Variants in RNF25 observed in about 807,000 individuals in gnomAD.
RNF25 encodes E3 ubiquitin-protein ligase RNF25.
In RNF25, 32 loss-of-function variants were observed where a neutral mutation model predicts 65.0. That is an observed-to-expected ratio of 0.49 (90% CI 0.37 to 0.66). RNF25 has a LOEUF of 0.66. RNF25 is among the 30% of genes least tolerant of loss of function. The pLI, the probability that RNF25 is intolerant of heterozygous loss-of-function variation, is 0.00. For synonymous variants in RNF25, 207 were observed against 221.2 expected (o/e 0.94, Z 0.57); for missense variants, 493 against 584.8 (o/e 0.84, Z 1.62).
chr2:218,664,192 G>A lies in RNF25; in HGVS notation c.1145C>T (p.Pro382Leu). 6.3e-7 allele frequency: 1 copy of A among 1,588,492 alleles called. No homozygotes were observed. The highest frequency in any genetic ancestry group is 1.7e-4 in the Middle Eastern group (1 of 5,900). The change falls in exon 10 of 10, where the codon CCC (proline) becomes CTC (leucine). Residue 382 changes from proline (P) to leucine (L), a missense_variant. Physicochemically the swap from Pro to Leu is moderately conservative, Grantham distance 98 (BLOSUM62 -3). This residue lies in a region of RNF25 where 351 missense variants were observed against 400.2 expected (regional missense o/e 0.88). Coordinates refer to ENST00000295704, the MANE Select transcript of RNF25 (RefSeq NM_022453.3). This position sits in a 1 kb window ranked among gnomAD's most constrained non-coding sequence, Gnocchi z 5.1. Reference sequence around the variant, plus strand: ...ATGGGGTTCTGGCTTTAGGTCCATGGGCTCCTTGAGGGGCCCCTCAGGAGG... The same window carrying A: ...ATGGGGTTCTGGCTTTAGGTCCATGAGCTCCTTGAGGGGCCCCTCAGGAGG... ...LPPPEGPLKE[P>L]MDLKPEPHSQ...
Position 218,664,490 on chromosome 2 carries a change from C to A in RNF25, c.847G>T (p.Gly283Ter), listed in dbSNP as rs1352369556. The A allele has an allele frequency of 1.9e-6, 3 of 1,613,974 alleles. No individual in the cohort carries two copies. Among genetic ancestry groups the A allele is most frequent in the Non-Finnish European group, 2.5e-6 (3 of 1,180,026 alleles). ...GCAAGGGTGCTGGGTGGTTGGGATCCTTTGGAGACATCTACAGCTGACTCA... is the reference window on the plus strand; with the variant it reads ...GCAAGGGTGCTGGGTGGTTGGGATCATTTGGAGACATCTACAGCTGACTCA... Reference protein sequence around the residue: ...EPESAVDVSKGSQPPSTLAAE... With the variant: ...EPESAVDVSK Residue 283 changes from glycine to a stop codon, truncating the protein, a stop_gained, in exon 10 of 10, where the codon GGA (glycine) becomes TGA (stop). Transcript: ENST00000295704. LOFTEE classifies it high-confidence loss of function. The surrounding 1 kb of genome is among the most constrained non-coding windows in gnomAD (Gnocchi z 5.1).
rs532173663 is a variant in RNF25 at position 218,668,917 on chromosome 2, A to G, written c.42-238T>C. Among the ~76,000 whole-genome samples, 3 of 152,384 alleles carry G rather than the reference A, an allele frequency of 2.0e-5. No individual in the cohort carries two copies. In the South Asian group the frequency reaches 6.2e-4, roughly 32 times the overall value. ...CAGATGAAGAAGTGGATTCTAGAGA[A>G]GTAAAATGACTAACCAAGGCTTAAC... On this transcript the variant is annotated intron_variant, in intron 1 of 9. Transcript: ENST00000295704.
At position 218,664,251 on chromosome 2, in the gene RNF25, G is replaced by A. The variant is rs1373915425; in HGVS notation, c.1086C>T (p.Ala362=). ...CCTGGGTGTCACGGGTACCTTTAGG[G>A]GCGTGGCACTCCCCTCCCTTTGGGT... ...RRHPKGGECH[A]PKGTRDTQEL... Residue 362 remains alanine (A), a synonymous_variant, in exon 10 of 10, where the codon GCC becomes GCT. Transcript: ENST00000295704. The surrounding 1 kb of genome is among the most constrained non-coding windows in gnomAD (Gnocchi z 5.1). 2.5e-6 allele frequency: 4 copies of A among 1,604,494 alleles called. No individual in the cohort carries two copies. The highest frequency in any genetic ancestry group is 2.7e-5 in the African/African-American group (2 of 74,602).
intron 1 of RNF25, among the ~76,000 whole-genome samples, chr2:218,669,546 A>G (rs1939903972): frequency 6.6e-6 from 1 of 152,204 alleles, no homozygotes; most frequent in South Asian, 2.1e-4. Context: ...GATCTAGATC[A>G]GCCTGTTGAG....
chr2:218,671,618 C>G (rs188905710), intron 1 of RNF25, among the ~76,000 whole-genome samples: 7 of 152,194 alleles, frequency 4.6e-5, no homozygotes, highest in Admixed American at 4.6e-4. Flanking sequence ...GCAGGCATCC[C>G]CCAAAGCCCC....
At chr2:218,669,326 C>T (rs1939899761) in intron 1 of RNF25, among the ~76,000 whole-genome samples, 1 of 152,196 alleles carries the variant, frequency 6.6e-6, no homozygotes, top group Non-Finnish European at 1.5e-5. Context: ...CTGTCTGTCA[C>T]ATATAGATAA....
At chr2:218,665,469 C>T (rs747605700) in intron 7 of RNF25, among the ~76,000 whole-genome samples, 9 of 152,098 alleles carry the variant, frequency 5.9e-5, no homozygotes, top group Non-Finnish European at 1.3e-4. Context: ...TGGCCAGGCA[C>T]GGTGGCTCGC....
intron 1 of RNF25, among the ~76,000 whole-genome samples, chr2:218,670,623 G>T (rs1291702277): frequency 2.7e-5 from 4 of 149,750 alleles, no homozygotes; most frequent in African/African-American, 7.4e-5. Context: ...ATGAACCCGG[G>T]AGGCGGAGCT....
chr2:218,671,774 G>A (rs1384294466), intron 1 of RNF25, among the ~76,000 whole-genome samples, 156 bp downstream of exon 1: 1 of 152,020 alleles, frequency 6.6e-6, no homozygotes, highest in Admixed American at 6.6e-5. Flanking sequence ...CCACCCTCCC[G>A]TTCCCCAGTC....
chr2:218,666,368 C>T, intron 5 of RNF25, 138 bp from the exon 6 acceptor site: 1 of 661,922 alleles, frequency 1.5e-6, no homozygotes, highest in South Asian at 1.9e-5. Context: ...GCATTTCTGG[C>T]TTGGTGACGC....
intron 5 of RNF25, 75 bp downstream of exon 5, chr2:218,667,837 A>G (rs1939867983): frequency 7.3e-7 from 1 of 1,368,896 alleles, no homozygotes; most frequent in African/African-American, 1.4e-5. Context: ...TTCTAGGCCC[A>G]TGGTTTCCCT....
At chr2:218,665,491 C>T (rs1189680435) in intron 7 of RNF25, among the ~76,000 whole-genome samples, 1 of 152,122 alleles carries the variant, frequency 6.6e-6, no homozygotes, top group African/African-American at 2.4e-5. Context: ...CCTGTAATCC[C>T]AGCACTTTGG....
Position 218,664,219 on chromosome 2 carries a change from G to A in RNF25, c.1118C>T (p.Pro373Leu). 1 of 1,598,066 alleles carries A rather than the reference G, an allele frequency of 6.3e-7. No individual in the cohort carries two copies. The highest frequency in any genetic ancestry group is 1.1e-5 in the South Asian group (1 of 89,004). Reference protein sequence around the residue: ...PKGTRDTQELPPPEGPLKEPM... With the variant: ...PKGTRDTQELLPPEGPLKEPM... Reference sequence around the variant, plus strand: ...CTCCTTGAGGGGCCCCTCAGGAGGTGGCAGTTCCTGGGTGTCACGGGTACC... The same window carrying A: ...CTCCTTGAGGGGCCCCTCAGGAGGTAGCAGTTCCTGGGTGTCACGGGTACC... The change falls in exon 10 of 10, where the codon CCA (proline) becomes CTA (leucine). Residue 373 changes from proline to leucine, a missense_variant. This residue lies in a region of RNF25 where 351 missense variants were observed against 400.2 expected (regional missense o/e 0.88). Transcript: ENST00000295704. The surrounding 1 kb of genome is among the most constrained non-coding windows in gnomAD (Gnocchi z 5.1).
chr2:218,665,336 G>T, intron 7 of RNF25, 89 bp from the exon 8 acceptor site: 1 of 1,106,816 alleles, frequency 9.0e-7, no homozygotes, highest in East Asian at 2.4e-5. Flanking sequence ...GCAGAGGGCT[G>T]GGACTAAAGG....
intron 8 of RNF25, 140 bp downstream of exon 8, chr2:218,665,014 TG>T: frequency 6.9e-7 from 1 of 1,440,778 alleles, no homozygotes; most frequent in Non-Finnish European, 9.6e-7. Context: ...CTCCCGCCAG[TG>T]GGGGATGTGG....
Position 218,664,203 on chromosome 2 carries a change from G to A in RNF25, c.1134C>T (p.Pro378=). ...GCTTTAGGTCCATGGGCTCCTTGAG[G>A]GGCCCCTCAGGAGGTGGCAGTTCCT... ...DTQELPPPEG[P]LKEPMDLKPE... The change falls in exon 10 of 10, where the codon CCC becomes CCT. Residue 378 remains proline (P), a synonymous_variant. Coordinates refer to ENST00000295704, the MANE Select transcript of RNF25 (RefSeq NM_022453.3). The surrounding 1 kb of genome is among the most constrained non-coding windows in gnomAD (Gnocchi z 5.1). 1.9e-6 allele frequency: 3 copies of A among 1,592,382 alleles called. No homozygotes were observed. The highest frequency in any genetic ancestry group is 2.6e-6 in the Non-Finnish European group (3 of 1,170,340).
At chr2:218,667,346 T>C (rs1396431196) in intron 5 of RNF25, among the ~76,000 whole-genome samples, 2 of 151,548 alleles carry the variant, frequency 1.3e-5, no homozygotes, top group Non-Finnish European at 2.9e-5. Context: ...AAAGGAACCA[T>C]GACTTTTTCT....
chr2:218,668,015 G>C (rs369705892), intron 4 of RNF25, 34 bp from the exon 5 acceptor site: 1 of 1,613,344 alleles, frequency 6.2e-7, no homozygotes, highest in Non-Finnish European at 8.5e-7. Flanking sequence ...TATTAGACCT[G>C]CCCATTTCTG....
intron 1 of RNF25, among the ~76,000 whole-genome samples, chr2:218,671,570 G>A (rs1055714354): frequency 6.6e-6 from 1 of 152,192 alleles, no homozygotes; most frequent in African/African-American, 2.4e-5. Flanking sequence ...GAGGGCACTG[G>A]TTCTGAGAGG....
Sources: gnomAD v4.1 joint callset for allele counts (sites outside exome capture counted in the v4.1 genomes callset) on GRCh38, gnomAD v4.1.1 for gene constraint, gnomAD v4.1.1 regional missense constraint, Gnocchi (gnomAD v3.1) non-coding constraint, MANE v1.5 for transcripts, NCBI Gene and HGNC (gene_info 2026-07-23, HGNC 2026-07-21) for gene names.